ZNF483: variants seen among roughly 807,000 people sequenced by gnomAD.
ZNF483 encodes the protein zinc finger protein HIT-10.
ZNF483 carries 9 observed loss-of-function variants against 28.6 expected under a neutral mutation model. That is an observed-to-expected ratio of 0.32 (90% CI 0.19 to 0.55). The LOEUF (loss-of-function observed/expected upper bound fraction) is 0.55, where lower values mean the gene tolerates loss of function less well. Among genes scored for constraint, ZNF483 ranks in the 20% least tolerant of loss-of-function variants. ZNF483 has a pLI of 0.93. For synonymous variants in ZNF483, 322 were observed against 306.2 expected (o/e 1.05, Z -0.54); for missense variants, 675 against 871.7 (o/e 0.77, Z 2.84).
chr9:111,569,892 G>A, intron 5 of ZNF483: 2 of 816,200 alleles, frequency 2.5e-6, no homozygotes, highest in Non-Finnish European at 3.7e-6. Context: ...CAGTGGAAAT[G>A]AACTTTAGAG....
At chr9:111,574,537 C>T (rs745821333) in intron 5 of ZNF483, 23 of 356,720 alleles carry the variant, frequency 6.4e-5, no homozygotes, top group African/African-American at 1.5e-4. Flanking sequence ...TTTGTAGAGA[C>T]GGCATTTTGC....
At chr9:111,556,100 G>A (rs1170698663), downstream of ZNF483, among the ~76,000 whole-genome samples, 2 of 152,152 alleles carry the variant, frequency 1.3e-5, no homozygotes, top group South Asian at 4.1e-4. Context: ...CCATTCCAAG[G>A]AGGAGAGATT....
At chr9:111,561,571 T>TAA (rs1828322622) in intron 5 of ZNF483, among the ~76,000 whole-genome samples, 1 of 152,126 alleles carries the variant, frequency 6.6e-6, no homozygotes, top group African/African-American at 2.4e-5. Flanking sequence ...CCTTCAGTAA[T>TAA]GTTTTAAGTT....
rs80191896 is a variant in ZNF483 at position 111,549,400 on chromosome 9, G to C, written c.*6230G>C. Among the ~76,000 whole-genome samples, 1 of 152,182 alleles carries C rather than the reference G, an allele frequency of 6.6e-6. No homozygotes were observed. Among genetic ancestry groups the C allele is most frequent in the African/African-American group, 2.4e-5 (1 of 41,438 alleles). On this transcript the variant is annotated 3_prime_UTR_variant, in exon 6 of 6. Transcript: ENST00000309235. The stretch of plus-strand genomic sequence containing the variant: ...TCTCTCAAGCCACAACACATGTGAG[G>C]TTCCTCTGCTGAATGAATCTTTTGG...
chr9:111,528,060 GATATA>G, intron 2 of ZNF483: 1 of 1,395,370 alleles, frequency 7.2e-7, no homozygotes, highest in Middle Eastern at 2.3e-4. Context: ...GACAAGATAG[GATATA>G]ATATATGGTG....
At chr9:111,566,107 G>A (rs181393444) in intron 5 of ZNF483, among the ~76,000 whole-genome samples, 1 of 152,230 alleles carries the variant, frequency 6.6e-6, no homozygotes, top group Non-Finnish European at 1.5e-5. Context: ...GGAGGCTGAA[G>A]TGGGAGAATC....
At chr9:111,575,374 T>C (rs1233620441) in intron 5 of ZNF483, 1 of 152,352 alleles carries the variant, frequency 6.6e-6, no homozygotes, top group African/African-American at 2.4e-5. Flanking sequence ...AACTTATACA[T>C]TTTCCTTTAT....
intron 5 of ZNF483, chr9:111,539,402 A>G: frequency 2.2e-6 from 1 of 456,050 alleles, no homozygotes; most frequent in Non-Finnish European, 4.4e-6. Context: ...TAACCTTTCT[A>G]CCCTTTGGTT....
In ZNF483 at chr9:111,549,637, C is replaced by CGTGGTG; in HGVS notation, c.*6475_*6480dup. 1 of 1,169,334 alleles carries CGTGGTG rather than the reference C, an allele frequency of 8.6e-7. No individual in the cohort carries two copies. The highest frequency in any genetic ancestry group is 1.4e-5 in the South Asian group (1 of 71,356). The allele number at this position is 1,169,334 out of a possible 1,614,324, so 72.4% of individuals were successfully genotyped here. On this transcript the variant is annotated 3_prime_UTR_variant, in exon 6 of 6. Transcript: ENST00000309235. Reference sequence around the variant, plus strand: ...CCTGTAGCTCTTCTGGGGCAGCGGTCGTGGTGGTGGTGGCAGCGGCAGCAG... The same window carrying CGTGGTG: ...CCTGTAGCTCTTCTGGGGCAGCGGTCGTGGTGGTGGTGGTGGTGGCAGCGGCAGCAG...
chr9:111,536,222 T>A (rs1180850432), intron 5 of ZNF483, among the ~76,000 whole-genome samples: 2 of 151,204 alleles, frequency 1.3e-5, no homozygotes, highest in South Asian at 2.1e-4. Context: ...AATTTACATT[T>A]AAAAAAATAA....
intron 2 of ZNF483, among the ~76,000 whole-genome samples, chr9:111,529,929 A>T (rs1827277624): frequency 6.6e-6 from 1 of 152,236 alleles, no homozygotes; most frequent in African/African-American, 2.4e-5. Flanking sequence ...GTGGTTCCTG[A>T]AACAGCTCCT....
In ZNF483 at chr9:111,573,685, G is replaced by C. The variant is rs1828931462; in HGVS notation, c.722-2680G>C. ...AGCTTAGAAGACTGGTCTTTGTTTT[G>C]AGTCTGTTGCCAATAGGAGTTAAAG... On this transcript the variant is annotated intron_variant, in intron 5 of 5. Transcript: ENST00000358151. Among the ~76,000 whole-genome samples, 4 of 152,106 alleles carry C rather than the reference G, an allele frequency of 2.6e-5. No homozygotes were observed. The South Asian group carries it at 8.3e-4, about 32-fold the overall frequency.
intron 5 of ZNF483, among the ~76,000 whole-genome samples, chr9:111,570,565 T>G (rs1210781728): frequency 6.6e-6 from 1 of 151,524 alleles, no homozygotes; most frequent in Non-Finnish European, 1.5e-5. Context: ...GGTCAGGAGT[T>G]CGAGACCAGC....
At chr9:111,563,339 A>T in intron 5 of ZNF483, 1 of 1,137,496 alleles carries the variant, frequency 8.8e-7, no homozygotes, top group South Asian at 1.7e-5. Flanking sequence ...AAACCTTGAA[A>T]ATAAGAGATG....
At chr9:111,577,870 A>T (rs1829127502), downstream of ZNF483, 1 of 152,088 alleles carries the variant, frequency 6.6e-6, no homozygotes, top group East Asian at 1.9e-4. Flanking sequence ...GGAATAAAGC[A>T]CTGATAAATT....
At position 111,542,743 on chromosome 9, in the gene ZNF483, G is replaced by A; in HGVS notation, c.1808G>A (p.Gly603Glu). 6.2e-7 allele frequency: 1 copy of A among 1,614,100 alleles called. No homozygotes were observed. Among genetic ancestry groups the A allele is most frequent in the Non-Finnish European group, 8.5e-7 (1 of 1,179,994 alleles). ...ACCCGGCATCAGAGAATTCACACTGGAGAAAAACCATATTTGTGTAATGAT... is the reference window on the plus strand; with the variant it reads ...ACCCGGCATCAGAGAATTCACACTGAAGAAAAACCATATTTGTGTAATGAT... ...CLTRHQRIHT[G>E]EKPYLCNDCG... The change falls in exon 6 of 6, where the codon GGA (glycine) becomes GAA (glutamate). Residue 603 changes from glycine (G) to glutamate (E), a missense_variant. Gly to Glu is a moderately conservative substitution (Grantham distance 98, BLOSUM62 -2). Coordinates refer to ENST00000309235, the MANE Select transcript of ZNF483 (RefSeq NM_133464.5). The surrounding 1 kb of genome is among the most constrained non-coding windows in gnomAD (Gnocchi z 6.2).
In ZNF483 at chr9:111,551,159, T is replaced by C. The variant is rs1827930568; in HGVS notation, c.*7989T>C. Reference sequence around the variant, plus strand: ...ACTTCACCCAATATATCCATAATATTATTTCATCATGTAATCAATGTAAAA... The same window carrying C: ...ACTTCACCCAATATATCCATAATATCATTTCATCATGTAATCAATGTAAAA... On this transcript the variant is annotated 3_prime_UTR_variant, in exon 6 of 6. Coordinates refer to ENST00000309235, the MANE Select transcript of ZNF483 (RefSeq NM_133464.5). 6.6e-6 allele frequency among the ~76,000 whole-genome samples: 1 copy of C among 152,232 alleles called. No homozygotes were observed. The highest frequency in any genetic ancestry group is 2.1e-4 in the South Asian group (1 of 4,838).
chr9:111,565,849 G>C (rs901775742), intron 5 of ZNF483, among the ~76,000 whole-genome samples: 1 of 151,996 alleles, frequency 6.6e-6, no homozygotes, highest in Non-Finnish European at 1.5e-5. Context: ...AATAAAAAGT[G>C]AATTTTAAAA....
In ZNF483 at chr9:111,530,965, TA is replaced by T; in HGVS notation, c.501+4del. On this transcript the variant is annotated splice_donor_region_variant and intron_variant, in intron 3 of 5. Coordinates refer to ENST00000309235, the MANE Select transcript of ZNF483 (RefSeq NM_133464.5). ...GTTTGTCCCAATACTGAGTCCTGTG[TA>T]AGTTTCCTTTGATGGTTTTTATTCC... The T allele has an allele frequency of 1.4e-6, 2 of 1,463,898 alleles. No individual in the cohort carries two copies. Among genetic ancestry groups the T allele is most frequent in the East Asian group, 2.5e-5 (1 of 39,996 alleles). The allele number at this position is 1,463,898 out of a possible 1,614,324, so 90.7% of individuals were successfully genotyped here. A position where few individuals can be genotyped will look rare whatever the true frequency, so the allele number is the denominator to read the frequency against.
Sources: allele counts gnomAD v4.1 joint callset (sites outside exome capture counted in the v4.1 genomes callset), GRCh38; gene constraint gnomAD v4.1.1; non-coding constraint Gnocchi (gnomAD v3.1); transcripts MANE v1.5; gene names NCBI Gene and HGNC (gene_info 2026-07-23, HGNC 2026-07-21).